Variants in KCTD4 observed in about 807,000 individuals in gnomAD.
KCTD4 encodes potassium channel tetramerization domain containing 4, also known as BTB/POZ domain-containing protein KCTD4.
Under a neutral mutation model 18.3 loss-of-function variants are expected in KCTD4, and 12 were observed. That is an observed-to-expected ratio of 0.66 (90% confidence interval 0.42 to 1.06). The LOEUF is 1.06. KCTD4 is among the 50% of genes least tolerant of loss of function. KCTD4 has a pLI of 0.00. For synonymous variants in KCTD4, 124 were observed against 110.5 expected, an observed-to-expected ratio of 1.12 and a Z score of -0.76; for missense variants, 250 against 303.4, an observed-to-expected ratio of 0.82 and a Z score of 1.31.
In KCTD4 at chr13:45,194,501, C is replaced by G. The variant is rs1008648305; in HGVS notation, c.67G>C (p.Asp23His). ...TTGCAGTTCTTTCCTTGATCAGTAT[C>G]TTCCAGGCTGTTGTGTTTCCCTTCA... is the stretch of plus-strand genomic sequence containing the variant. The part of the protein sequence containing the change: ...EYEGKHNSLE[D>H]TDQGKNCKST... Residue 23 changes from aspartate (D) to histidine (H), a missense_variant, in exon 2 of 2, where the codon GAT becomes CAT. Transcript: ENST00000379108. 12 of 1,614,146 alleles carry G rather than the reference C, an allele frequency of 7.4e-6. No homozygotes were observed. Among genetic ancestry groups the G allele is most frequent in the Non-Finnish European group, 1.0e-5 (12 of 1,179,960 alleles).
At position 45,194,533 on chromosome 13, in the gene KCTD4, T is replaced by G; in HGVS notation, c.35A>C (p.Lys12Thr). ...GCTGTTGTGTTTCCCTTCATACTCC[T>G]TTTCTTTTTCTCTTCTGTTTATTTT... ...ERKINRREKE[K>T]EYEGKHNSLE... Residue 12 changes from lysine (K) to threonine (T), a missense_variant, in exon 2 of 2, where the codon AAG becomes ACG. Lys to Thr is a moderately conservative substitution (Grantham distance 78, BLOSUM62 -1). Coordinates refer to ENST00000379108, the MANE Select transcript of KCTD4 (RefSeq NM_198404.3). The G allele has an allele frequency of 6.2e-7, 1 of 1,612,930 alleles. No homozygotes were observed. Among genetic ancestry groups the G allele is most frequent in the Non-Finnish European group, 8.5e-7 (1 of 1,179,514 alleles).
chr13:45,194,711 G>GT lies in KCTD4; in HGVS notation c.-145dup. 1 of 716,218 alleles carries GT rather than the reference G, an allele frequency of 1.4e-6. No individual in the cohort carries two copies. The highest frequency in any genetic ancestry group is 2.4e-6 in the Non-Finnish European group (1 of 421,944). The allele number at this position is 716,218 out of a possible 1,614,324, so 44.4% of individuals were successfully genotyped here. A position where few individuals can be genotyped will look rare whatever the true frequency, so the allele number is the denominator to read the frequency against. ...CAGCATCGCCTGCGCTGTCAGCTCGGTTTTGCAGTAGGTGGCGTATCAGCC... is the reference window on the plus strand; with the variant it reads ...CAGCATCGCCTGCGCTGTCAGCTCGGTTTTTGCAGTAGGTGGCGTATCAGCC... On this transcript the variant is annotated 5_prime_UTR_variant, in exon 2 of 2. Transcript: ENST00000379108.
At chr13:45,198,313 A>G (rs1180249866) in intron 1 of KCTD4, among the ~76,000 whole-genome samples, 1 of 152,234 alleles carries the variant, frequency 6.6e-6, no homozygotes, top group Non-Finnish European at 1.5e-5. Context: ...ATTGTAATAT[A>G]TACACTTGCT....
Position 45,194,058 on chromosome 13 carries a change from A to C in KCTD4, c.510T>G (p.Ser170=). ...TGCTTTTGGACACCAGAACAATGCG[A>C]GACTTTATTTTTGATATGAAATCAG... ...NAPDFISKIK[S]RIVLVSKSRL... Residue 170 remains serine, a synonymous_variant, in exon 2 of 2, where the codon TCT becomes TCG. Transcript: ENST00000379108. The C allele has an allele frequency of 6.2e-7, 1 of 1,614,142 alleles. No homozygotes were observed. The highest frequency in any genetic ancestry group is 8.5e-7 in the Non-Finnish European group (1 of 1,180,012).
rs775630555 is a variant in KCTD4 at position 45,194,344 on chromosome 13, CCAT to C, written c.221_223del (p.Asp74del). 1.2e-6 allele frequency: 2 copies of C among 1,614,086 alleles called. No individual in the cohort carries two copies. The highest frequency in any genetic ancestry group is 1.7e-6 in the Non-Finnish European group (2 of 1,179,998). On this transcript the variant is annotated inframe_deletion, in exon 2 of 2. Coordinates refer to ENST00000379108, the MANE Select transcript of KCTD4 (RefSeq NM_198404.3). ...ACCATCCCTGTCTATGAAATAATGA[CCAT>C]CAGCATCAAACGGGCAGAGGATTTT... is the stretch of plus-strand genomic sequence containing the variant.
At chr13:45,198,684 T>G (rs1302472530) in intron 1 of KCTD4, among the ~76,000 whole-genome samples, 4 of 152,210 alleles carry the variant, frequency 2.6e-5, no homozygotes, top group Non-Finnish European at 5.9e-5. Context: ...ATCTCTGCCT[T>G]GGACTTGCCC....
chr13:45,194,697 G>A lies in KCTD4; in HGVS notation c.-130C>T. The A allele has an allele frequency of 1.2e-6, 1 of 807,976 alleles. No homozygotes were observed. The highest frequency in any genetic ancestry group is 2.0e-6 in the Non-Finnish European group (1 of 500,966). 50.1% of individuals were successfully genotyped at this position (807,976 alleles called of 1,614,324 possible). On this transcript the variant is annotated 5_prime_UTR_variant, in exon 2 of 2. Transcript: ENST00000379108. ...AATGGAAACGCTGGCAGCATCGCCT[G>A]CGCTGTCAGCTCGGTTTTGCAGTAG...
rs757122143 is a variant in KCTD4, at chr13:45,193,951, G to A, written c.617C>T (p.Thr206Ile). The change falls in exon 2 of 2, where the codon ACT becomes ATT. Residue 206 changes from threonine (T) to isoleucine (I), a missense_variant. Transcript: ENST00000379108. ...GTTGTCTTCCTTTAGTACAAGTCGAGTGCCATTTTCAGACTTTATGAAGTA... is the reference window on the plus strand; with the variant it reads ...GTTGTCTTCCTTTAGTACAAGTCGAATGCCATTTTCAGACTTTATGAAGTA... ...FKYFIKSENGTRLVLKEDNTF... is the reference protein window; with the variant it reads ...FKYFIKSENGIRLVLKEDNTF... The A allele has an allele frequency of 2.0e-5, 32 of 1,613,914 alleles. No individual in the cohort carries two copies. The highest frequency in any genetic ancestry group is 8.5e-7 in the Non-Finnish European group (1 of 1,179,982).
chr13:45,197,675 C>T (rs1244717131), intron 1 of KCTD4, among the ~76,000 whole-genome samples: 6 of 152,094 alleles, frequency 3.9e-5, no homozygotes, highest in Admixed American at 3.3e-4. Context: ...CAGATTATCT[C>T]GTTTTAGTCT....
chr13:45,194,856 T>C (rs1872813908), intron 1 of KCTD4, 102 bp from the exon 2 acceptor site: 1 of 383,486 alleles, frequency 2.6e-6, no homozygotes. Flanking sequence ...TAAGAGTTAC[T>C]CAGAATAAAT....
rs141607496 is a variant in KCTD4, at chr13:45,197,120, A to G, written c.-187-2366T>C. Among the ~76,000 whole-genome samples the G allele has an allele frequency of 2.9e-3, 447 of 151,934 alleles. 2 individuals carry two copies. The highest frequency in any genetic ancestry group is 0.01 in the African/African-American group (422 of 41,436). On this transcript the variant is annotated intron_variant, in intron 1 of 1. Coordinates refer to ENST00000379108, the MANE Select transcript of KCTD4 (RefSeq NM_198404.3). ...ACCCATGGCCTGGCAACAGTAGTAT[A>G]ACTGAAGCTTTGTCTTAGTGCCTGG...
Position 45,194,300 on chromosome 13 carries a change from G to A in KCTD4, c.268C>T (p.Leu90=). The A allele has an allele frequency of 6.2e-7, 1 of 1,614,130 alleles. No individual in the cohort carries two copies. The highest frequency in any genetic ancestry group is 8.5e-7 in the Non-Finnish European group (1 of 1,180,010). The change falls in exon 2 of 2, where the codon CTA becomes TTA. Residue 90 remains leucine, a synonymous_variant. Transcript: ENST00000379108. ...AGTTCTCCATTTCGTAGGAAGTTTA[G>A]GACATGCCTGAAGAGGAGACCATCC... is the stretch of plus-strand genomic sequence containing the variant. ...DRDGLLFRHV[L]NFLRNGELLL...
At chr13:45,198,612 C>G in intron 1 of KCTD4, among the ~76,000 whole-genome samples, 1 of 152,086 alleles carries the variant, frequency 6.6e-6, no homozygotes, top group East Asian at 1.9e-4. Context: ...TTCCCATTAC[C>G]TTAGAAAGAA....
chr13:45,200,736 C>T (rs1202754109), intron 1 of KCTD4, among the ~76,000 whole-genome samples, 88 bp downstream of exon 1: 1 of 152,136 alleles, frequency 6.6e-6, no homozygotes. Context: ...CTCAGAACCA[C>T]AGGCAAAAAA....
chr13:45,195,921 G>T (rs1872870008), intron 1 of KCTD4, among the ~76,000 whole-genome samples: 1 of 152,148 alleles, frequency 6.6e-6, no homozygotes, highest in African/African-American at 2.4e-5. Flanking sequence ...CTCCCAGAGT[G>T]CTGGGATTAC....
In KCTD4 at chr13:45,193,883, T is replaced by C; in HGVS notation, c.685A>G (p.Met229Val). 1.2e-6 allele frequency: 2 copies of C among 1,614,178 alleles called. No individual in the cohort carries two copies. Among genetic ancestry groups the C allele is most frequent in the South Asian group, 1.1e-5 (1 of 91,092 alleles). ...TLETLKFEAI[M>V]MALKCGFRLL... ...CTAAAGCCACACTTTAAAGCCATCA[T>C]GATAGCCTCAAACTTAAGAGTTTCC... Residue 229 changes from methionine to valine, a missense_variant, in exon 2 of 2, where the codon ATG becomes GTG. By Grantham distance (21) the Met-to-Val change is conservative. Transcript: ENST00000379108.
chr13:45,198,036 A>C (rs1457738348), intron 1 of KCTD4, among the ~76,000 whole-genome samples: 1 of 152,254 alleles, frequency 6.6e-6, no homozygotes, highest in Non-Finnish European at 1.5e-5. Context: ...TTAACTCTTT[A>C]TTAGAGTTAG....
rs767811573 is a variant in KCTD4, at chr13:45,194,457, G to A, written c.111C>T (p.Leu37=). 3.1e-6 allele frequency: 5 copies of A among 1,614,168 alleles called. No individual in the cohort carries two copies. In the South Asian group the frequency reaches 5.5e-5, roughly 18 times the overall value. ...TAATGTATAAATATCCACCAACGTT[G>A]AGGGTCATCAGTGTGGATTTGCAGT... ...GKNCKSTLMT[L]NVGGYLYITQ... Residue 37 remains leucine, a synonymous_variant, in exon 2 of 2, where the codon CTC becomes CTT. Transcript: ENST00000379108.
chr13:45,195,202 A>G (rs1240377781), intron 1 of KCTD4, among the ~76,000 whole-genome samples: 2 of 152,170 alleles, frequency 1.3e-5, no homozygotes, highest in Non-Finnish European at 2.9e-5. Flanking sequence ...TTGGATTTGC[A>G]TATGATTCTG....
Sources: allele counts gnomAD v4.1 joint callset (sites outside exome capture counted in the v4.1 genomes callset), GRCh38; gene constraint gnomAD v4.1.1; transcripts MANE v1.5; gene names NCBI Gene and HGNC (gene_info 2026-07-23, HGNC 2026-07-21).